Variants in ZNF362 observed in about 807,000 individuals in gnomAD.
ZNF362 encodes the protein zinc finger protein 362, also known as rotund homolog.
A neutral mutation model predicts 42.9 loss-of-function variants in ZNF362; 11 were observed. That is an observed-to-expected ratio of 0.26 (90% confidence interval 0.16 to 0.42). The LOEUF (loss-of-function observed/expected upper bound fraction) is 0.42, where lower values mean the gene tolerates loss of function less well. Among genes scored for constraint, ZNF362 ranks in the 20% least tolerant of loss-of-function variants. ZNF362 has a pLI of 1.00. For synonymous variants in ZNF362, 255 were observed against 257.3 expected, an observed-to-expected ratio of 0.99 and a Z score of 0.09; for missense variants, 362 against 576.2, an observed-to-expected ratio of 0.63 and a Z score of 3.81.
chr1:33,216,264 C>A, the ZNF362 span, among the ~76,000 whole-genome samples: 1 of 69,888 alleles, frequency 1.4e-5, no homozygotes, highest in African/African-American at 3.7e-5. Flanking sequence ...AAGCACAGGG[C>A]TAGCCACAGA....
chr1:33,263,571 C>T (rs369337866), intron 1 of ZNF362, among the ~76,000 whole-genome samples: 94 of 152,180 alleles, frequency 6.2e-4, no homozygotes, highest in African/African-American at 2.0e-3. Flanking sequence ...CCACCACACC[C>T]GGCTAATCTT....
At chr1:33,171,263 G>A in the ZNF362 span, among the ~76,000 whole-genome samples, 3 of 152,220 alleles carry the variant, frequency 2.0e-5, no homozygotes, top group Non-Finnish European at 4.4e-5. Flanking sequence ...CACTGGTAAC[G>A]GCAGAGACCC....
chr1:33,237,375 A>G, the ZNF362 span, among the ~76,000 whole-genome samples: 1 of 152,110 alleles, frequency 6.6e-6, no homozygotes, highest in African/African-American at 2.4e-5. Flanking sequence ...ATTGCAACAG[A>G]CACTTCTGTG....
the ZNF362 span, among the ~76,000 whole-genome samples, chr1:33,219,737 T>G: frequency 6.6e-6 from 1 of 152,100 alleles, no homozygotes; most frequent in Non-Finnish European, 1.5e-5. Flanking sequence ...ACTTCCAGGA[T>G]GCTTTCAGCA....
intron 6 of ZNF362, among the ~76,000 whole-genome samples, chr1:33,287,687 G>T (rs1646042759): frequency 6.6e-6 from 1 of 152,194 alleles, no homozygotes; most frequent in African/African-American, 2.4e-5. Context: ...GATCATTGCA[G>T]CAGGGGAAAG....
At chr1:33,202,592 C>T in the ZNF362 span, among the ~76,000 whole-genome samples, 1 of 61,452 alleles carries the variant, frequency 1.6e-5, no homozygotes, top group Middle Eastern at 6.7e-3. Context: ...AGCGAGACTC[C>T]ATAAAAAAAA....
chr1:33,250,883 G>GAAGAAGAAA, the ZNF362 span, among the ~76,000 whole-genome samples: 4 of 151,960 alleles, frequency 2.6e-5, no homozygotes, highest in Non-Finnish European at 5.9e-5. Flanking sequence ...AGAAGAAGAA[G>GAAGAAGAAA]AAGAAGAAGA....
chr1:33,207,563 A>G, the ZNF362 span, among the ~76,000 whole-genome samples: 1 of 152,190 alleles, frequency 6.6e-6, no homozygotes, highest in Non-Finnish European at 1.5e-5. Context: ...TTACACTCCC[A>G]TCAACAGTGT....
the ZNF362 span, among the ~76,000 whole-genome samples, chr1:33,160,524 C>A: frequency 1.3e-5 from 2 of 152,064 alleles, no homozygotes; most frequent in African/African-American, 4.8e-5. Context: ...CCAGCCTCAG[C>A]CTCCCTAGTA....
At chr1:33,268,918 G>A (rs1645882344) in intron 1 of ZNF362, among the ~76,000 whole-genome samples, 2 of 152,176 alleles carry the variant, frequency 1.3e-5, no homozygotes, top group Non-Finnish European at 2.9e-5. Context: ...TGGAGTGGAG[G>A]ATGAGGGTGG....
the ZNF362 span, among the ~76,000 whole-genome samples, chr1:33,187,563 C>T: frequency 6.8e-4 from 104 of 152,256 alleles, no homozygotes; most frequent in Non-Finnish European, 5.6e-4. Flanking sequence ...GCTCAGCTTC[C>T]GACTCTACTA....
At chr1:33,183,865 TG>T in the ZNF362 span, among the ~76,000 whole-genome samples, 28 of 152,196 alleles carry the variant, frequency 1.8e-4, no homozygotes, top group Non-Finnish European at 3.8e-4. Context: ...ATGCAGAGTC[TG>T]GACTTCAGGA....
chr1:33,269,238 G>C (rs969645834), intron 1 of ZNF362, among the ~76,000 whole-genome samples: 2 of 152,048 alleles, frequency 1.3e-5, no homozygotes, highest in Non-Finnish European at 2.9e-5. Flanking sequence ...CCCCGCACTG[G>C]GCTACCAACT....
the ZNF362 span, among the ~76,000 whole-genome samples, chr1:33,219,312 CCTGCCCAGCCCACTTCCCAACCT>C: frequency 6.6e-6 from 1 of 152,210 alleles, no homozygotes; most frequent in Non-Finnish European, 1.5e-5. Context: ...CCACAGTGGG[CCTGCCCAGCCCACTTCCCAACCT>C]CTGCCCGCCA....
chr1:33,212,187 C>T, the ZNF362 span, among the ~76,000 whole-genome samples: 1 of 152,144 alleles, frequency 6.6e-6, no homozygotes, highest in Non-Finnish European at 1.5e-5. Context: ...TCCCCTTCAC[C>T]TTCCACTATG....
At chr1:33,210,225 A>T in the ZNF362 span, among the ~76,000 whole-genome samples, 1 of 152,154 alleles carries the variant, frequency 6.6e-6, no homozygotes, top group Admixed American at 6.5e-5. Flanking sequence ...GTTTCCATGT[A>T]GTTGTGCAGT....
the ZNF362 span, among the ~76,000 whole-genome samples, chr1:33,206,231 C>A: frequency 6.6e-6 from 1 of 151,964 alleles, no homozygotes; most frequent in Non-Finnish European, 1.5e-5. Flanking sequence ...TACTACCATG[C>A]ACCTGTTGAT....
At chr1:33,181,607 G>A in the ZNF362 span, 5 of 1,242,784 alleles carry the variant, frequency 4.0e-6, no homozygotes, top group Non-Finnish European at 5.3e-6. This position sits in a 1 kb window ranked among gnomAD's most constrained non-coding sequence, Gnocchi z 6.5. Context: ...ACGCGAGGAA[G>A]GGGTGCGCGG....
At chr1:33,180,215 C>A in the ZNF362 span, among the ~76,000 whole-genome samples, 1 of 152,122 alleles carries the variant, frequency 6.6e-6, no homozygotes, top group Non-Finnish European at 1.5e-5. Context: ...CCAAAGAGGT[C>A]ATCAAAAACC....
Sources: allele counts gnomAD v4.1 joint callset (sites outside exome capture counted in the v4.1 genomes callset), GRCh38; gene constraint gnomAD v4.1.1; non-coding constraint Gnocchi (gnomAD v3.1); transcripts MANE v1.5; gene names NCBI Gene and HGNC (gene_info 2026-07-23, HGNC 2026-07-21).